Variants in USP43 observed in about 807,000 individuals in gnomAD.
USP43 encodes the protein ubiquitin carboxyl-terminal hydrolase 43.
In USP43, 33 loss-of-function variants were observed where a neutral mutation model predicts 90.7. That is an observed-to-expected ratio of 0.36 (90% CI 0.28 to 0.49). The LOEUF (loss-of-function observed/expected upper bound fraction) is 0.49, where lower values mean the gene tolerates loss of function less well. Among genes scored for constraint, USP43 ranks in the 20% least tolerant of loss-of-function variants. USP43 has a pLI of 0.98. For synonymous variants in USP43, 598 were observed against 615.8 expected (o/e 0.97, Z 0.43); for missense variants, 1,274 against 1,476.4 (o/e 0.86, Z 2.25).
Position 9,727,934 on chromosome 17 carries a change from A to G in USP43, c.2336-20A>G, listed in dbSNP as rs779560650. 6.3e-7 allele frequency: 1 copy of G among 1,583,292 alleles called. No individual in the cohort carries two copies. The highest frequency in any genetic ancestry group is 1.1e-5 in the South Asian group (1 of 87,318). The stretch of plus-strand genomic sequence containing the variant: ...GCTGTAGGGTGGCTTGTACACTGAC[A>G]GTCTCTCTGTCTCTTTCAGGAGGGT... On this transcript the variant is annotated intron_variant, in intron 14 of 14. Coordinates refer to ENST00000285199, the MANE Select transcript of USP43 (RefSeq NM_153210.5).
At chr17:9,705,981 T>G (rs1915854088) in intron 12 of USP43, among the ~76,000 whole-genome samples, 1 of 152,178 alleles carries the variant, frequency 6.6e-6, no homozygotes, top group Non-Finnish European at 1.5e-5. Context: ...AGAGAACACC[T>G]GGTTCTCTAT....
At chr17:9,646,797 G>A (rs74332578) in intron 1 of USP43, among the ~76,000 whole-genome samples, 1,953 of 152,226 alleles carry the variant, frequency 0.013, 49 homozygotes, top group African/African-American at 0.044. Flanking sequence ...GTACCGTGCT[G>A]AGTGCCCAGC....
rs1234214449 is a variant in USP43, at chr17:9,701,809, C to G, written c.2011+109C>G. 2 of 958,878 alleles carry G rather than the reference C, an allele frequency of 2.1e-6. No individual in the cohort carries two copies. The highest frequency in any genetic ancestry group is 3.0e-6 in the Non-Finnish European group (2 of 668,058). The allele number at this position is 958,878 out of a possible 1,614,324, so 59.4% of individuals were successfully genotyped here. ...AGCTCCCTGGGGCACTTATTGAGAT[C>G]CGACCCCTCACCCACCGCACACCAG... On this transcript the variant is annotated intron_variant, in intron 12 of 14. Coordinates refer to ENST00000285199, the MANE Select transcript of USP43 (RefSeq NM_153210.5). This position sits in a 1 kb window ranked among gnomAD's most constrained non-coding sequence, Gnocchi z 7.2.
At position 9,708,862 on chromosome 17, in the gene USP43, C is replaced by T. The variant is rs182256318; in HGVS notation, c.2012-1094C>T. 1.7e-3 allele frequency among the ~76,000 whole-genome samples: 265 copies of T among 152,112 alleles called. 4 individuals carry two copies. In the Middle Eastern group the frequency reaches 0.024, roughly 14 times the overall value. On this transcript the variant is annotated intron_variant, in intron 12 of 14. Transcript: ENST00000285199. ...CAGGTTGGTCTCGAACTCCTGACCT[C>T]GTGATTTGCCCACCTCGGCCTCCCA...
At chr17:9,652,519 G>A (rs938481084) in intron 1 of USP43, among the ~76,000 whole-genome samples, 5 of 151,848 alleles carry the variant, frequency 3.3e-5, no homozygotes, top group Non-Finnish European at 7.4e-5. Context: ...CCGCCACCAC[G>A]TCCGGCTAAT....
In USP43 at chr17:9,729,082, C is replaced by G. The variant is rs934536375; in HGVS notation, c.*92C>G. The G allele has an allele frequency of 7.6e-7, 1 of 1,317,534 alleles. No individual in the cohort carries two copies. The highest frequency in any genetic ancestry group is 2.8e-5 in the Admixed American group (1 of 35,248). The allele number at this position is 1,317,534 out of a possible 1,614,324, so 81.6% of individuals were successfully genotyped here. On this transcript the variant is annotated 3_prime_UTR_variant, in exon 15 of 15. Coordinates refer to ENST00000285199, the MANE Select transcript of USP43 (RefSeq NM_153210.5). ...ATGTTGAGAATGGGTTTCCAGGAAA[C>G]CCGTTGTCTTGTAATCTCTAAAAAA...
In USP43 at chr17:9,701,456, CA is replaced by C; in HGVS notation, c.1771del (p.Arg591GlyfsTer16). The C allele has an allele frequency of 6.3e-7, 1 of 1,594,050 alleles. No individual in the cohort carries two copies. The highest frequency in any genetic ancestry group is 1.1e-5 in the South Asian group (1 of 87,414). On this transcript the variant is annotated frameshift_variant, in exon 12 of 15. Coordinates refer to ENST00000285199, the MANE Select transcript of USP43 (RefSeq NM_153210.5). LOFTEE classifies it high-confidence loss of function. This position sits in a 1 kb window ranked among gnomAD's most constrained non-coding sequence, Gnocchi z 7.2. ...TGCCTGACATCCTCATCATCCACCT[CA>C]AAAGGTTCTGCCAGGTGGGCGAGAG... is the stretch of plus-strand genomic sequence containing the variant. ...TLPDILIIHL[K>X]RFCQVGERRN...
At chr17:9,681,493 TATATATATATATATA>T (rs1914281277) in intron 6 of USP43, among the ~76,000 whole-genome samples, 1 of 89,990 alleles carries the variant, frequency 1.1e-5, no homozygotes, top group Non-Finnish European at 2.2e-5. Context: ...TATATATATA[TATATATATATATATA>T]TTTGAGATGG....
chr17:9,664,566 T>G (rs1291350186), intron 2 of USP43, among the ~76,000 whole-genome samples: 1 of 151,894 alleles, frequency 6.6e-6, no homozygotes, highest in African/African-American at 2.4e-5. Flanking sequence ...AAAGACTCCA[T>G]GGGGGGAGTG....
chr17:9,654,981 A>G (rs568942265), intron 1 of USP43, among the ~76,000 whole-genome samples: 1 of 150,692 alleles, frequency 6.6e-6, no homozygotes, highest in African/African-American at 2.4e-5. Flanking sequence ...AAAGTGATCC[A>G]TCCGCCTCGG....
At chr17:9,727,234 C>T (rs1011136347) in intron 14 of USP43, among the ~76,000 whole-genome samples, 9 of 152,108 alleles carry the variant, frequency 5.9e-5, no homozygotes, top group Non-Finnish European at 1.0e-4. Flanking sequence ...CCTCCCAAGA[C>T]TGAGAATTTC....
chr17:9,727,445 C>T (rs1917331835), intron 14 of USP43, among the ~76,000 whole-genome samples: 1 of 151,958 alleles, frequency 6.6e-6, no homozygotes, highest in African/African-American at 2.4e-5. Context: ...TATATTTTTA[C>T]AAGTTGTATA....
At chr17:9,647,062 AAAAAAAAAAAAAAAAAAAAG>A (rs1356775581) in intron 1 of USP43, 1 of 18,684 alleles carries the variant, frequency 5.4e-5, no homozygotes, top group African/African-American at 1.1e-4. Context: ...TGCTTCCTGC[AAAAAAAAAAAAAAAAAAAAG>A]AAAAAAAAGA....
chr17:9,692,058 T>C (rs1914989392), intron 8 of USP43, among the ~76,000 whole-genome samples: 1 of 142,718 alleles, frequency 7.0e-6, no homozygotes, highest in Non-Finnish European at 1.5e-5. Context: ...AAAAGAAAAT[T>C]AAAACAAATT....
rs776598031 is a variant in USP43 at position 9,693,101 on chromosome 17, A to T, written c.1354-26A>T. 46 of 1,587,286 alleles carry T rather than the reference A, an allele frequency of 2.9e-5. No individual in the cohort carries two copies. In the South Asian group the frequency reaches 5.0e-4, roughly 17 times the overall value. ...AAATCAATATAGGGGCTACGTAATGATCCATGTCTGTTTTTGTCTTCGCAG... is the reference window on the plus strand; with the variant it reads ...AAATCAATATAGGGGCTACGTAATGTTCCATGTCTGTTTTTGTCTTCGCAG... On this transcript the variant is annotated intron_variant, in intron 8 of 14. Transcript: ENST00000285199.
At chr17:9,671,309 CT>C (rs1913420422) in intron 3 of USP43, among the ~76,000 whole-genome samples, 1 of 151,856 alleles carries the variant, frequency 6.6e-6, no homozygotes, top group South Asian at 2.1e-4. Context: ...TGCACAAATT[CT>C]TCATGTCCTT....
chr17:9,722,253 C>G (rs1022455003), intron 14 of USP43, among the ~76,000 whole-genome samples: 4 of 152,086 alleles, frequency 2.6e-5, no homozygotes, highest in Admixed American at 6.6e-5. Flanking sequence ...TTTCTTCTTT[C>G]TTTTTGCCTT....
At chr17:9,692,872 A>G (rs1414776575) in intron 8 of USP43, among the ~76,000 whole-genome samples, 1 of 152,174 alleles carries the variant, frequency 6.6e-6, no homozygotes, top group Non-Finnish European at 1.5e-5. Flanking sequence ...CTATTTAAAC[A>G]CACTGTGTTC....
chr17:9,717,360 A>AGTGTGTGT (rs56058514), intron 14 of USP43, among the ~76,000 whole-genome samples: 134 of 145,660 alleles, frequency 9.2e-4, no homozygotes, highest in African/African-American at 3.1e-3. Context: ...GCTTGGGCAC[A>AGTGTGTGT]GTGTGTGTGT....
Sources: gnomAD v4.1 joint callset for allele counts (sites outside exome capture counted in the v4.1 genomes callset) on GRCh38, gnomAD v4.1.1 for gene constraint, Gnocchi (gnomAD v3.1) non-coding constraint, MANE v1.5 for transcripts, NCBI Gene and HGNC (gene_info 2026-07-23, HGNC 2026-07-21) for gene names.